The following PRELID2 variants were observed in gnomAD, a reference collection of about 807,000 sequenced individuals.
PRELID2 encodes PRELI domain containing 2, also known as PRELI domain-containing protein 2.
Under a neutral mutation model 28.4 loss-of-function variants are expected in PRELID2, and 25 were observed. The ratio of observed to expected loss-of-function variants is 0.88; its 90% CI spans 0.64 to 1.23. The LOEUF (loss-of-function observed/expected upper bound fraction) is 1.23, where lower values mean the gene tolerates loss of function less well. Ranked by LOEUF, PRELID2 falls within the 50% of genes most tolerant of loss-of-function variation. PRELID2 has a pLI of 0.00. For synonymous variants in PRELID2, 76 were observed against 71.6 expected (o/e 1.06, Z -0.31); for missense variants, 201 against 214.4 (o/e 0.94, Z 0.39).
the PRELID2 span, among the ~76,000 whole-genome samples, chr5:145,287,004 CT>C: frequency 6.6e-6 from 1 of 152,126 alleles, no homozygotes; most frequent in African/African-American, 2.4e-5. Context: ...GCCACCGCGC[CT>C]GGCCAGAACT....
At chr5:145,246,739 G>A in the PRELID2 span, among the ~76,000 whole-genome samples, 1 of 152,042 alleles carries the variant, frequency 6.6e-6, no homozygotes, top group Non-Finnish European at 1.5e-5. Flanking sequence ...TGATAACTAA[G>A]GAAATTATGA....
chr5:145,784,084 C>T (rs1004012604), intron 5 of PRELID2, among the ~76,000 whole-genome samples: 2 of 152,054 alleles, frequency 1.3e-5, no homozygotes, highest in Non-Finnish European at 2.9e-5. Flanking sequence ...AGGTCCGATA[C>T]CAGCCTGGCC....
chr5:145,425,410 T>C, the PRELID2 span, among the ~76,000 whole-genome samples: 1 of 152,166 alleles, frequency 6.6e-6, no homozygotes, highest in Non-Finnish European at 1.5e-5. Context: ...ACTGAGTATA[T>C]ACCCAAAGGA....
the PRELID2 span, among the ~76,000 whole-genome samples, chr5:145,367,252 A>G: frequency 6.6e-6 from 1 of 151,980 alleles, no homozygotes; most frequent in Admixed American, 6.6e-5. Flanking sequence ...CTATTGTTCT[A>G]ATTTAGTTTT....
At chr5:145,238,038 C>CT in the PRELID2 span, among the ~76,000 whole-genome samples, 1 of 152,066 alleles carries the variant, frequency 6.6e-6, no homozygotes, top group Non-Finnish European at 1.5e-5. Flanking sequence ...TGGCATATGC[C>CT]ACATTCCTTC....
At chr5:145,489,922 C>A (rs932194466) in intron 1 of PRELID2, among the ~76,000 whole-genome samples, 2 of 152,074 alleles carry the variant, frequency 1.3e-5, no homozygotes, top group Non-Finnish European at 2.9e-5. Context: ...AAAAATTATC[C>A]ATTATTTCAA....
the PRELID2 span, among the ~76,000 whole-genome samples, chr5:145,293,116 C>T: frequency 6.6e-6 from 1 of 152,068 alleles, no homozygotes; most frequent in Non-Finnish European, 1.5e-5. Context: ...TAATTGTGCC[C>T]TTTTAGAGAG....
the PRELID2 span, among the ~76,000 whole-genome samples, chr5:145,465,597 T>G: frequency 6.6e-6 from 1 of 152,148 alleles, no homozygotes; most frequent in African/African-American, 2.4e-5. Context: ...AACTTTTCCA[T>G]GTCTCCATTT....
At chr5:145,740,854 G>GTA (rs1554087853) in intron 1 of PRELID2, among the ~76,000 whole-genome samples, 19 of 26,328 alleles carry the variant, frequency 7.2e-4, no homozygotes, top group African/African-American at 1.9e-3. Context: ...AAATATATAT[G>GTA]TACATATATT....
the PRELID2 span, among the ~76,000 whole-genome samples, chr5:145,249,340 A>G: frequency 2.6e-5 from 4 of 152,148 alleles, no homozygotes; most frequent in Non-Finnish European, 4.4e-5. Flanking sequence ...TTAGTTGATA[A>G]GATTAATTTG....
intron 1 of PRELID2, among the ~76,000 whole-genome samples, chr5:145,738,964 T>C (rs551341233): frequency 3.7e-4 from 57 of 152,160 alleles, no homozygotes; most frequent in African/African-American, 1.4e-3. Context: ...ACTTTTCCTA[T>C]AAGGGAAAAA....
intron 1 of PRELID2, among the ~76,000 whole-genome samples, chr5:145,678,614 T>C (rs1161693302): frequency 6.6e-6 from 1 of 152,204 alleles, no homozygotes; most frequent in African/African-American, 2.4e-5. Flanking sequence ...CAGAGGTTTT[T>C]CAACTGGCCA....
chr5:145,824,930 A>G (rs1013953188), intron 1 of PRELID2, among the ~76,000 whole-genome samples: 2 of 151,242 alleles, frequency 1.3e-5, no homozygotes, highest in South Asian at 4.2e-4. Flanking sequence ...TTAGCCCTAG[A>G]AAAAAAAATG....
chr5:145,600,413 A>G lies in PRELID2; in HGVS notation n.71-127098T>C, dbSNP rs986630414. On this transcript the variant is annotated intron_variant and non_coding_transcript_variant, in intron 1 of 2. Coordinates refer to the PRELID2 transcript ENST00000510259. The stretch of plus-strand genomic sequence containing the variant: ...CATCCAAAAGGCATGAGCTTCTCTC[A>G]GGGGGGGAAAAAAAAAAAAAAATAT... Among the ~76,000 whole-genome samples the G allele has an allele frequency of 2.3e-3, 273 of 118,554 alleles. 2 individuals carry two copies. The highest frequency in any genetic ancestry group is 7.9e-3 in the African/African-American group (224 of 28,280). 77.8% of individuals were successfully genotyped at this position (118,554 alleles called of 152,430 possible).
chr5:145,238,597 GT>G, the PRELID2 span, among the ~76,000 whole-genome samples: 1 of 151,984 alleles, frequency 6.6e-6, no homozygotes, highest in Middle Eastern at 3.2e-3. Flanking sequence ...TGAATGAAAT[GT>G]TTTTTTCTTG....
chr5:145,521,709 C>A (rs766020408), intron 1 of PRELID2, among the ~76,000 whole-genome samples: 4 of 152,098 alleles, frequency 2.6e-5, no homozygotes, highest in Admixed American at 6.6e-5. Context: ...CTGGAGCAGA[C>A]CCACGCACTG....
chr5:145,544,101 G>T (rs990938845), intron 1 of PRELID2, among the ~76,000 whole-genome samples: 106 of 152,128 alleles, frequency 7.0e-4, no homozygotes, highest in Non-Finnish European at 6.8e-4. Context: ...GTGAGGGTCG[G>T]TGAGTCAGAA....
the PRELID2 span, among the ~76,000 whole-genome samples, chr5:145,246,732 T>C: frequency 6.6e-6 from 1 of 152,148 alleles, no homozygotes; most frequent in Admixed American, 6.5e-5. Context: ...GCAAAAATGA[T>C]AACTAAGGAA....
chr5:145,774,707 T>A (rs1450875776), intron 5 of PRELID2, among the ~76,000 whole-genome samples: 1 of 152,166 alleles, frequency 6.6e-6, no homozygotes, highest in Non-Finnish European at 1.5e-5. Context: ...TGTTTCACAC[T>A]ATTAGGCCCA....
Sources: gnomAD v4.1 joint callset for allele counts (sites outside exome capture counted in the v4.1 genomes callset) on GRCh38, gnomAD v4.1.1 for gene constraint, MANE v1.5 for transcripts, NCBI Gene and HGNC (gene_info 2026-07-23, HGNC 2026-07-21) for gene names.